Variants in GTF2B observed in about 807,000 individuals in gnomAD.
GTF2B encodes transcription initiation factor IIB.
A neutral mutation model predicts 34.6 loss-of-function variants in GTF2B; 20 were observed. The ratio of observed to expected loss-of-function variants is 0.58; its 90% CI spans 0.41 to 0.84. The LOEUF is 0.84. GTF2B is among the 40% of genes least tolerant of loss of function. The probability of loss-of-function intolerance (pLI) is 0.00; values close to 1 mark genes in which losing one functional copy is unlikely to be tolerated. For synonymous variants in GTF2B, 142 were observed against 132.4 expected (o/e 1.07, Z -0.50); for missense variants, 237 against 393.3 (o/e 0.60, Z 3.36).
At chr1:88,869,724 T>G (rs2100970612) in intron 2 of GTF2B, among the ~76,000 whole-genome samples, 1 of 152,116 alleles carries the variant, frequency 6.6e-6, no homozygotes, top group East Asian at 1.9e-4. Flanking sequence ...GCCTCTGAGG[T>G]TCAAGTAATT....
intron 6 of GTF2B, among the ~76,000 whole-genome samples, chr1:88,855,163 G>T (rs372650032): frequency 6.6e-6 from 1 of 152,158 alleles, no homozygotes; most frequent in Non-Finnish European, 1.5e-5. Context: ...TTTACTAAAA[G>T]ACTCAAAATT....
chr1:88,882,956 A>T (rs1434178624), intron 2 of GTF2B, among the ~76,000 whole-genome samples: 1 of 152,248 alleles, frequency 6.6e-6, no homozygotes, highest in Non-Finnish European at 1.5e-5. Context: ...ATTTGCATTC[A>T]AGTCTGAAAA....
chr1:88,863,390 C>T (rs1470143167), intron 3 of GTF2B, among the ~76,000 whole-genome samples: 1 of 152,096 alleles, frequency 6.6e-6, no homozygotes, highest in African/African-American at 2.4e-5. Flanking sequence ...GTTGCCCAGG[C>T]TGGAGTTCAG....
intron 2 of GTF2B, among the ~76,000 whole-genome samples, chr1:88,872,304 T>C (rs546112899): frequency 2.3e-3 from 352 of 151,300 alleles, no homozygotes; most frequent in Non-Finnish European, 4.0e-3. Context: ...AAATACGAAA[T>C]TAGATGGGCG....
chr1:88,857,491 A>T lies in GTF2B; in HGVS notation c.536-4T>A, dbSNP rs1383015163. On this transcript the variant is annotated splice_polypyrimidine_tract_variant and splice_region_variant and intron_variant, in intron 5 of 6. Transcript: ENST00000370500. ...ATTCGTGATACGGCACATATTTCTA[A>T]AAGAAAAAAAATTAAATAAATCAAT... 1 of 1,491,704 alleles carries T rather than the reference A, an allele frequency of 6.7e-7. No homozygotes were observed. Among genetic ancestry groups the T allele is most frequent in the East Asian group, 2.3e-5 (1 of 44,266 alleles). 92.4% of individuals were successfully genotyped at this position (1,491,704 alleles called of 1,614,324 possible).
intron 2 of GTF2B, among the ~76,000 whole-genome samples, chr1:88,870,302 G>A (rs574714548): frequency 6.6e-6 from 1 of 152,204 alleles, no homozygotes; most frequent in Non-Finnish European, 1.5e-5. Flanking sequence ...TAAGTGCACT[G>A]TCAAAATTCA....
At chr1:88,854,475 T>C (rs141656942) in intron 6 of GTF2B, among the ~76,000 whole-genome samples, 4 of 152,354 alleles carry the variant, frequency 2.6e-5, no homozygotes, top group African/African-American at 9.6e-5. Flanking sequence ...GTATTATGAA[T>C]GCTTTATTAA....
At chr1:88,857,093 G>T in intron 6 of GTF2B, 113 bp downstream of exon 6, 1 of 943,974 alleles carries the variant, frequency 1.1e-6, no homozygotes, top group Non-Finnish European at 1.6e-6. Context: ...GAGCCCCCGC[G>T]CCTGGTCAAA....
chr1:88,853,924 A>G (rs1462161924), intron 6 of GTF2B, among the ~76,000 whole-genome samples: 3 of 152,194 alleles, frequency 2.0e-5, no homozygotes, highest in African/African-American at 7.2e-5. Context: ...AATAAAAATG[A>G]TTACTAGTAC....
chr1:88,863,973 C>A lies in GTF2B; in HGVS notation c.258+8G>T. 6.2e-7 allele frequency: 1 copy of A among 1,613,540 alleles called. No individual in the cohort carries two copies. The highest frequency in any genetic ancestry group is 8.5e-7 in the Non-Finnish European group (1 of 1,179,522). On this transcript the variant is annotated splice_region_variant and intron_variant, in intron 3 of 6. Transcript: ENST00000370500. Reference sequence around the variant, plus strand: ...CAATTGGTATTTCCTGCCAAATGGACTTATTACCTTGCCAATCATGGTAGA... The same window carrying A: ...CAATTGGTATTTCCTGCCAAATGGAATTATTACCTTGCCAATCATGGTAGA...
chr1:88,882,519 T>C (rs932579483), intron 2 of GTF2B, among the ~76,000 whole-genome samples: 15 of 151,756 alleles, frequency 9.9e-5, no homozygotes, highest in African/African-American at 3.4e-4. Flanking sequence ...TTTTAGGTTT[T>C]GTGGGTCAAG....
intron 1 of GTF2B, among the ~76,000 whole-genome samples, chr1:88,889,310 T>G (rs1457446798): frequency 6.6e-6 from 1 of 152,096 alleles, no homozygotes; most frequent in African/African-American, 2.4e-5. Context: ...CTTAATCAAA[T>G]TACCCACAAT....
At chr1:88,882,334 A>C (rs931507016) in intron 2 of GTF2B, among the ~76,000 whole-genome samples, 8 of 149,382 alleles carry the variant, frequency 5.4e-5, no homozygotes, top group Non-Finnish European at 8.9e-5. Flanking sequence ...AAAAAAAAAA[A>C]AAACGCTACA....
chr1:88,860,065 T>A (rs1673400006), intron 4 of GTF2B, 54 bp from the exon 5 acceptor site: 3 of 1,610,452 alleles, frequency 1.9e-6, no homozygotes, highest in Non-Finnish European at 2.5e-6. Context: ...AGCTGCAATA[T>A]CAAAATTTCA....
intron 6 of GTF2B, among the ~76,000 whole-genome samples, chr1:88,855,359 G>T (rs77477451): frequency 0.012 from 1,447 of 123,802 alleles, 11 homozygotes; most frequent in African/African-American, 0.031. Context: ...TTCTGTTTTT[G>T]TTTTTTTTTT....
intron 2 of GTF2B, 123 bp downstream of exon 2, chr1:88,887,138 C>T (rs1396871374): frequency 8.3e-6 from 5 of 599,000 alleles, no homozygotes; most frequent in African/African-American, 3.8e-5. Context: ...AGGCTGGTCT[C>T]GAACTCCTGA....
At chr1:88,867,017 T>C (rs901788411) in intron 2 of GTF2B, among the ~76,000 whole-genome samples, 8 of 152,230 alleles carry the variant, frequency 5.3e-5, no homozygotes, top group African/African-American at 1.7e-4. Flanking sequence ...GTTTGAATTA[T>C]GCAGATTTTA....
At chr1:88,866,016 T>C (rs1673551437) in intron 2 of GTF2B, among the ~76,000 whole-genome samples, 1 of 152,066 alleles carries the variant, frequency 6.6e-6, no homozygotes, top group East Asian at 1.9e-4. Flanking sequence ...TAAAAATTAA[T>C]TTAAATGCTC....
intron 2 of GTF2B, among the ~76,000 whole-genome samples, chr1:88,877,200 T>C (rs938966406): frequency 6.6e-6 from 1 of 152,216 alleles, no homozygotes; most frequent in Non-Finnish European, 1.5e-5. Context: ...GATTCGCTGG[T>C]ATAAACAATA....
Sources: gnomAD v4.1 joint callset for allele counts (sites outside exome capture counted in the v4.1 genomes callset) on GRCh38, gnomAD v4.1.1 for gene constraint, MANE v1.5 for transcripts, NCBI Gene and HGNC (gene_info 2026-07-23, HGNC 2026-07-21) for gene names.